PCDHGA6: variants seen among roughly 807,000 people sequenced by gnomAD.
The protein encoded by PCDHGA6 is protocadherin gamma subfamily A, 6.
In PCDHGA6, 41 loss-of-function variants were observed where a neutral mutation model predicts 60.6. The ratio of observed to expected loss-of-function variants is 0.68; its 90% CI spans 0.53 to 0.88. The LOEUF (loss-of-function observed/expected upper bound fraction) is 0.88, where lower values mean the gene tolerates loss of function less well. Among genes scored for constraint, PCDHGA6 ranks in the 40% least tolerant of loss-of-function variants. The probability of loss-of-function intolerance (pLI) is 0.00; values close to 1 mark genes in which losing one functional copy is unlikely to be tolerated. For missense variants in PCDHGA6, 1,312 were observed against 1,203.0 expected, an observed-to-expected ratio of 1.09 and a Z score of -1.34; for synonymous variants, 594 against 524.4, an observed-to-expected ratio of 1.13 and a Z score of -1.81.
In PCDHGA6 at chr5:141,489,835, C is replaced by G; in HGVS notation, c.2425-4972C>G. On this transcript the variant is annotated intron_variant, in intron 1 of 3. Transcript: ENST00000517434. This position sits in a 1 kb window ranked among gnomAD's most constrained non-coding sequence, Gnocchi z 4.5. Reference sequence around the variant, plus strand: ...ATTCCCAGAGCTGGTGCTAGAGCAGCAGCTGGATCGTGAAGCCCAGGCAAG... The same window carrying G: ...ATTCCCAGAGCTGGTGCTAGAGCAGGAGCTGGATCGTGAAGCCCAGGCAAG... The G allele has an allele frequency of 6.2e-7, 1 of 1,614,164 alleles. No homozygotes were observed. Among genetic ancestry groups the G allele is most frequent in the Non-Finnish European group, 8.5e-7 (1 of 1,179,972 alleles).
At chr5:141,452,256 C>T (rs533770410) in intron 1 of PCDHGA6, among the ~76,000 whole-genome samples, 1 of 152,298 alleles carries the variant, frequency 6.6e-6, no homozygotes, top group African/African-American at 2.4e-5. Flanking sequence ...CCATAACTCT[C>T]TCATTTTCTT....
At chr5:141,498,248 G>A (rs1484987588) in intron 2 of PCDHGA6, among the ~76,000 whole-genome samples, 2 of 152,208 alleles carry the variant, frequency 1.3e-5, no homozygotes, top group Non-Finnish European at 2.9e-5. Flanking sequence ...CTTCAAAGCA[G>A]GGCTGGTGTT....
Position 141,486,390 on chromosome 5 carries a change from C to T in PCDHGA6, c.2425-8417C>T. 6.2e-7 allele frequency: 1 copy of T among 1,614,138 alleles called. No homozygotes were observed. The highest frequency in any genetic ancestry group is 1.1e-5 in the South Asian group (1 of 91,084). On this transcript the variant is annotated intron_variant, in intron 1 of 3. Coordinates refer to ENST00000517434, the MANE Select transcript of PCDHGA6 (RefSeq NM_018919.3). This position sits in a 1 kb window ranked among gnomAD's most constrained non-coding sequence, Gnocchi z 5.0. ...AAGTCTGCCTTCAGGAACCAGTTCTCCCTGGTGACTGCTGGACCCTTGGAT... is the reference window on the plus strand; with the variant it reads ...AAGTCTGCCTTCAGGAACCAGTTCTTCCTGGTGACTGCTGGACCCTTGGAT...
chr5:141,402,880 A>G (rs886365174), intron 1 of PCDHGA6: 2 of 1,474,944 alleles, frequency 1.4e-6, no homozygotes, highest in Non-Finnish European at 1.8e-6. Flanking sequence ...CATACTTTGC[A>G]GGGTGGAAGA....
rs11410533 is a variant in PCDHGA6, at chr5:141,429,387, TA to T, written c.2424+52888del. ...AAATGGAGAAAATGTGTTTTTTTTT[TA>T]AAAAAAATTGAGATTAAGGTCTCAT... On this transcript the variant is annotated intron_variant, in intron 1 of 3. Transcript: ENST00000517434. Among the ~76,000 whole-genome samples, 10 of 151,446 alleles carry T rather than the reference TA, an allele frequency of 6.6e-5. No individual in the cohort carries two copies. In the South Asian group the frequency reaches 1.0e-3, roughly 16 times the overall value.
intron 1 of PCDHGA6, chr5:141,402,869 C>G (rs1051518401): frequency 6.7e-5 from 97 of 1,448,564 alleles, no homozygotes; most frequent in Admixed American, 6.1e-4. Flanking sequence ...GAAAAGATCA[C>G]CATACTTTGC....
Position 141,431,953 on chromosome 5 carries a change from C to G in PCDHGA6, c.2424+55446C>G. 1.2e-6 allele frequency: 2 copies of G among 1,614,082 alleles called. No individual in the cohort carries two copies. Among genetic ancestry groups the G allele is most frequent in the East Asian group, 4.5e-5 (2 of 44,886 alleles). ...TGCCCTTTAAATTAGAAAAATCTTA[C>G]GGAAATTACTATAGTTTAGTCACAG... On this transcript the variant is annotated intron_variant, in intron 1 of 3. Transcript: ENST00000517434. The surrounding 1 kb of genome is among the most constrained non-coding windows in gnomAD (Gnocchi z 4.8).
intron 1 of PCDHGA6, chr5:141,392,171 C>A (rs1182647236): frequency 6.6e-6 from 1 of 152,216 alleles, no homozygotes; most frequent in African/African-American, 2.4e-5. Flanking sequence ...CTGAGTCAGT[C>A]ATCTCCAGTA....
At chr5:141,415,490 T>C in intron 1 of PCDHGA6, 2 of 1,614,228 alleles carry the variant, frequency 1.2e-6, no homozygotes, top group Admixed American at 3.3e-5. Flanking sequence ...AAGAGTCACC[T>C]GATCTTCCCC....
intron 1 of PCDHGA6, among the ~76,000 whole-genome samples, chr5:141,381,121 T>C (rs1490532443): frequency 6.6e-6 from 1 of 152,260 alleles, no homozygotes; most frequent in East Asian, 1.9e-4. Context: ...TTCCCTGTAT[T>C]CTGGAGCAAT....
In PCDHGA6 at chr5:141,487,046, G is replaced by A; in HGVS notation, c.2425-7761G>A. ...CAGCCTGTTTGCAGTCTCTCGATATGCTGGGGAGGTGCGGACGGCTGTTCC... is the reference window on the plus strand; with the variant it reads ...CAGCCTGTTTGCAGTCTCTCGATATACTGGGGAGGTGCGGACGGCTGTTCC... On this transcript the variant is annotated intron_variant, in intron 1 of 3. Coordinates refer to ENST00000517434, the MANE Select transcript of PCDHGA6 (RefSeq NM_018919.3). The surrounding 1 kb of genome is among the most constrained non-coding windows in gnomAD (Gnocchi z 5.0). 6.2e-7 allele frequency: 1 copy of A among 1,614,192 alleles called. No individual in the cohort carries two copies. Among genetic ancestry groups the A allele is most frequent in the Non-Finnish European group, 8.5e-7 (1 of 1,180,040 alleles).
rs371079504 is a variant in PCDHGA6, at chr5:141,422,041, G to C, written c.2424+45534G>C. 9 of 1,611,514 alleles carry C rather than the reference G, an allele frequency of 5.6e-6. No homozygotes were observed. The highest frequency in any genetic ancestry group is 5.9e-6 in the Non-Finnish European group (7 of 1,179,230). On this transcript the variant is annotated intron_variant, in intron 1 of 3. Transcript: ENST00000517434. ...GATGGTTAATGCAACGGATCCAGAC[G>C]AGGGAATCAACGGGGAAGTAATGTA...
chr5:141,498,976 G>A (rs1311505059), intron 2 of PCDHGA6, among the ~76,000 whole-genome samples: 1 of 13,010 alleles, frequency 7.7e-5, no homozygotes, highest in Non-Finnish European at 2.3e-4. Context: ...AGGGAGGGAA[G>A]GAAGGAAGGA....
At chr5:141,378,814 T>C (rs915920148) in intron 1 of PCDHGA6, 6 of 152,232 alleles carry the variant, frequency 3.9e-5, no homozygotes, top group Non-Finnish European at 8.8e-5. Flanking sequence ...AACAGAATCA[T>C]TGTTTCATGA....
chr5:141,442,818 C>A (rs553817796), intron 1 of PCDHGA6, among the ~76,000 whole-genome samples: 1 of 151,882 alleles, frequency 6.6e-6, no homozygotes, highest in Non-Finnish European at 1.5e-5. Context: ...TGTACTGATC[C>A]AAAAATAAGG....
intron 1 of PCDHGA6, chr5:141,398,508 T>C: frequency 6.2e-7 from 1 of 1,601,476 alleles, no homozygotes; most frequent in Admixed American, 1.7e-5. Context: ...AGGACATTAA[T>C]GACCACACGC....
rs1360364370 is a variant in PCDHGA6, at chr5:141,491,814, G to A, written c.2425-2993G>A. 1 of 1,486,114 alleles carries A rather than the reference G, an allele frequency of 6.7e-7. No individual in the cohort carries two copies. The allele number at this position is 1,486,114 out of a possible 1,614,324, so 92.1% of individuals were successfully genotyped here. On this transcript the variant is annotated intron_variant, in intron 1 of 3. Transcript: ENST00000517434. This position sits in a 1 kb window ranked among gnomAD's most constrained non-coding sequence, Gnocchi z 6.9. ...TCCTCTCCGGCCGGCTTGGTCGCTGGCTGCGCTCCACCCGATTCTCGGGAT... is the reference window on the plus strand; with the variant it reads ...TCCTCTCCGGCCGGCTTGGTCGCTGACTGCGCTCCACCCGATTCTCGGGAT...
At chr5:141,435,172 T>G (rs1406204282) in intron 1 of PCDHGA6, among the ~76,000 whole-genome samples, 1 of 152,198 alleles carries the variant, frequency 6.6e-6, no homozygotes, top group Non-Finnish European at 1.5e-5. Context: ...GAGTGGCTTT[T>G]AACTACACTT....
chr5:141,461,591 C>T (rs1368759571), intron 1 of PCDHGA6, among the ~76,000 whole-genome samples: 1 of 152,088 alleles, frequency 6.6e-6, no homozygotes, highest in Non-Finnish European at 1.5e-5. Flanking sequence ...GTTATATTTC[C>T]ATTATAATTT....
Sources: gnomAD v4.1 joint callset for allele counts (sites outside exome capture counted in the v4.1 genomes callset) on GRCh38, gnomAD v4.1.1 for gene constraint, Gnocchi (gnomAD v3.1) non-coding constraint, MANE v1.5 for transcripts, NCBI Gene and HGNC (gene_info 2026-07-23, HGNC 2026-07-21) for gene names.